NLN: variants seen among roughly 807,000 people sequenced by gnomAD.
The protein encoded by NLN is neurolysin, mitochondrial.
A neutral mutation model predicts 79.9 loss-of-function variants in NLN; 64 were observed. The observed-to-expected ratio is 0.80, with a 90% CI of 0.65 to 0.99. The LOEUF is 0.99. Ranked by LOEUF, NLN falls within the 50% of genes least tolerant of loss-of-function variation. The pLI, the probability that NLN is intolerant of heterozygous loss-of-function variation, is 0.00. For synonymous variants in NLN, 267 were observed against 296.6 expected (o/e 0.90, Z 1.02); for missense variants, 835 against 858.7 (o/e 0.97, Z 0.34).
At chr5:65,792,257 C>T (rs528152471) in intron 8 of NLN, among the ~76,000 whole-genome samples, 197 bp from the exon 9 acceptor site, 77 of 152,198 alleles carry the variant, frequency 5.1e-4, no homozygotes, top group Non-Finnish European at 7.8e-4. Flanking sequence ...GGAGCTCACA[C>T]AGAATGTTAG....
intron 4 of NLN, among the ~76,000 whole-genome samples, chr5:65,779,241 T>G (rs1326012696): frequency 1.3e-5 from 2 of 152,190 alleles, no homozygotes; most frequent in Non-Finnish European, 2.9e-5. Context: ...CCCAAGAATT[T>G]GCGTTTCTAA....
chr5:65,824,858 C>T lies in NLN; in HGVS notation c.*1943C>T, dbSNP rs1288798456. On this transcript the variant is annotated 3_prime_UTR_variant, in exon 13 of 13. Coordinates refer to ENST00000380985, the MANE Select transcript of NLN (RefSeq NM_020726.5). ...CAGTGGCTCATGCCTGTAATCCCAG[C>T]ACTTTGGGAGGCCAAGGCAGGAGGA... is the stretch of plus-strand genomic sequence containing the variant. The T allele has an allele frequency of 6.6e-6, 1 of 152,302 alleles. No individual in the cohort carries two copies. Among genetic ancestry groups the T allele is most frequent in the Non-Finnish European group, 1.5e-5 (1 of 68,120 alleles). The allele number at this position is 152,302 out of a possible 1,614,324, so 9.4% of individuals were successfully genotyped here.
intron 1 of NLN, chr5:65,733,019 G>A: frequency 9.0e-7 from 1 of 1,110,654 alleles, no homozygotes; most frequent in South Asian, 1.3e-5. Context: ...CCCACTTCAA[G>A]TTTACCATTG....
At chr5:65,782,898 A>G (rs533190801) in intron 6 of NLN, among the ~76,000 whole-genome samples, 1 of 152,314 alleles carries the variant, frequency 6.6e-6, no homozygotes, top group East Asian at 1.9e-4. Context: ...ATGGCAAGCA[A>G]CAGTTTTCAC....
intron 1 of NLN, among the ~76,000 whole-genome samples, chr5:65,744,978 G>A (rs781381616): frequency 6.6e-6 from 1 of 152,202 alleles, no homozygotes; most frequent in Non-Finnish European, 1.5e-5. Context: ...TTTCCTGGGA[G>A]TACACTGTTT....
intron 3 of NLN, among the ~76,000 whole-genome samples, chr5:65,773,497 C>T (rs947259543): frequency 2.0e-5 from 3 of 152,080 alleles, no homozygotes; most frequent in South Asian, 2.1e-4. Context: ...GTTCTTTTAA[C>T]GGCATTGTAA....
At position 65,733,345 on chromosome 5, in the gene NLN, C is replaced by T; in HGVS notation, c.41+10931C>T. 2.0e-6 allele frequency: 3 copies of T among 1,510,542 alleles called. 1 individual carries two copies. The highest frequency in any genetic ancestry group is 2.7e-6 in the Non-Finnish European group (3 of 1,100,642). 93.6% of individuals were successfully genotyped at this position (1,510,542 alleles called of 1,614,324 possible). On this transcript the variant is annotated intron_variant, in intron 1 of 12. Transcript: ENST00000380985. ...TCCCAACTCAGGCTCCTCCTGCCTG[C>T]CCTGAGCCACTGCTCCCAGCTCACC...
chr5:65,749,936 C>T (rs1671577919), intron 1 of NLN, among the ~76,000 whole-genome samples: 1 of 152,216 alleles, frequency 6.6e-6, no homozygotes, highest in Non-Finnish European at 1.5e-5. Flanking sequence ...CTTATTTCTG[C>T]ATGTTGTGAG....
At chr5:65,770,735 A>G (rs1214218797) in intron 3 of NLN, among the ~76,000 whole-genome samples, 8 of 152,188 alleles carry the variant, frequency 5.3e-5, no homozygotes, top group African/African-American at 1.9e-4. Context: ...GTTCATAGCA[A>G]CTCAGATTCC....
Position 65,825,860 on chromosome 5 carries a change from T to G in NLN, c.*2945T>G, listed in dbSNP as rs572204208. ...TGTATGAATTATAGGTCTGTGGAGATTCTGCCTCCCCACTAGGCCAGTGTG... is the reference window on the plus strand; with the variant it reads ...TGTATGAATTATAGGTCTGTGGAGAGTCTGCCTCCCCACTAGGCCAGTGTG... On this transcript the variant is annotated 3_prime_UTR_variant, in exon 13 of 13. Coordinates refer to ENST00000380985, the MANE Select transcript of NLN (RefSeq NM_020726.5). 2 of 152,360 alleles carry G rather than the reference T, an allele frequency of 1.3e-5. No homozygotes were observed. The highest frequency in any genetic ancestry group is 2.9e-5 in the Non-Finnish European group (2 of 68,032). 9.4% of individuals were successfully genotyped at this position (152,360 alleles called of 1,614,324 possible).
rs574878030 is a variant in NLN, at chr5:65,730,258, G to A, written c.41+7844G>A. ...ATGGGAAAGGGGAATGCTCAGTACC[G>A]ATAGGAAGGAAATTGTAGAGTCAAC... On this transcript the variant is annotated intron_variant, in intron 1 of 12. Coordinates refer to ENST00000380985, the MANE Select transcript of NLN (RefSeq NM_020726.5). Among the ~76,000 whole-genome samples the A allele has an allele frequency of 7.9e-5, 12 of 152,278 alleles. No individual in the cohort carries two copies. In the South Asian group the frequency reaches 1.2e-3, roughly 16 times the overall value.
At chr5:65,777,147 G>A (rs1759697596) in intron 3 of NLN, among the ~76,000 whole-genome samples, 1 of 152,218 alleles carries the variant, frequency 6.6e-6, no homozygotes, top group Admixed American at 6.5e-5. Context: ...TTATGCAAAT[G>A]CTCTGTTATC....
chr5:65,732,955 C>G lies in NLN; in HGVS notation c.41+10541C>G, dbSNP rs1758642814. On this transcript the variant is annotated intron_variant, in intron 1 of 12. Coordinates refer to ENST00000380985, the MANE Select transcript of NLN (RefSeq NM_020726.5). ...TTGTGTTTGGGTGAAACAGGCTTCC[C>G]CATTGCAGTTACTATAACACCTGTG... 1.1e-5 allele frequency: 6 copies of G among 566,322 alleles called. 1 individual carries two copies. In the South Asian group the frequency reaches 1.1e-4, roughly 11 times the overall value. The allele number at this position is 566,322 out of a possible 1,614,324, so 35.1% of individuals were successfully genotyped here. A position where few individuals can be genotyped will look rare whatever the true frequency, so the allele number is the denominator to read the frequency against.
intron 1 of NLN, among the ~76,000 whole-genome samples, chr5:65,742,975 C>T (rs1347460582): frequency 2.0e-5 from 3 of 152,178 alleles, no homozygotes; most frequent in Non-Finnish European, 4.4e-5. Context: ...TTCCTATACT[C>T]ATTGATTGAA....
intron 1 of NLN, among the ~76,000 whole-genome samples, chr5:65,740,126 G>T (rs1028645816): frequency 6.6e-5 from 10 of 152,048 alleles, no homozygotes; most frequent in African/African-American, 2.4e-4. Context: ...ATTTTCTGTT[G>T]CCATAATTGA....
At chr5:65,735,230 C>T (rs1758705745) in intron 1 of NLN, among the ~76,000 whole-genome samples, 3 of 152,130 alleles carry the variant, frequency 2.0e-5, no homozygotes, top group Non-Finnish European at 4.4e-5. Flanking sequence ...TTCATGAGGT[C>T]GCCCCAGCCA....
chr5:65,726,334 A>G (rs1334227440), intron 1 of NLN, among the ~76,000 whole-genome samples: 1 of 152,206 alleles, frequency 6.6e-6, no homozygotes, highest in Non-Finnish European at 1.5e-5. Context: ...AGGATATTCT[A>G]AAATGAAATT....
intron 12 of NLN, among the ~76,000 whole-genome samples, chr5:65,818,394 C>T (rs187192301): frequency 2.0e-5 from 3 of 152,284 alleles, no homozygotes; most frequent in East Asian, 3.9e-4. Flanking sequence ...TCTACCCCCC[C>T]ATACATACTC....
chr5:65,767,506 A>T (rs1266174076), intron 3 of NLN, among the ~76,000 whole-genome samples: 5 of 152,100 alleles, frequency 3.3e-5, no homozygotes, highest in African/African-American at 7.2e-5. Flanking sequence ...TTTTTCTCCT[A>T]GGCCTCCAGG....
Sources: allele counts gnomAD v4.1 joint callset (sites outside exome capture counted in the v4.1 genomes callset), GRCh38; gene constraint gnomAD v4.1.1; transcripts MANE v1.5; gene names NCBI Gene and HGNC (gene_info 2026-07-23, HGNC 2026-07-21).